The following ADAMTSL1 variants were observed in gnomAD, a reference collection of about 807,000 sequenced individuals.
ADAMTSL1 encodes ADAMTS like 1, also known as ADAMTS-like protein 1.
A neutral mutation model predicts 201.8 loss-of-function variants in ADAMTSL1; 126 were observed. That is an observed-to-expected ratio of 0.62 (90% CI 0.54 to 0.72). The LOEUF (loss-of-function observed/expected upper bound fraction) is 0.72. Among genes scored for constraint, ADAMTSL1 ranks in the 30% least tolerant of loss-of-function variants. The probability of loss-of-function intolerance (pLI) is 0.00; values close to 1 mark genes in which losing one functional copy is unlikely to be tolerated. For missense variants in ADAMTSL1, 2,679 were observed against 2,277.8 expected (o/e 1.18, Z -3.59); for synonymous variants, 1,121 against 903.4 (o/e 1.24, Z -4.32).
intron 23 of ADAMTSL1, among the ~76,000 whole-genome samples, chr9:18,846,866 G>A (rs984988979): frequency 6.6e-6 from 1 of 152,166 alleles, no homozygotes; most frequent in African/African-American, 2.4e-5. Context: ...AATGAACAGA[G>A]TCTCAAAGAC....
At chr9:18,380,943 G>A (rs924356548) in intron 2 of ADAMTSL1, among the ~76,000 whole-genome samples, 2 of 152,126 alleles carry the variant, frequency 1.3e-5, no homozygotes, top group Non-Finnish European at 2.9e-5. Context: ...CAGACATCCC[G>A]ATTGGTCTTG....
At chr9:17,936,022 T>C (rs1284748259) in intron 1 of ADAMTSL1, among the ~76,000 whole-genome samples, 3 of 152,228 alleles carry the variant, frequency 2.0e-5, no homozygotes, top group Non-Finnish European at 2.9e-5. Flanking sequence ...TCTTTGCTGT[T>C]CTTCTAACAT....
intron 24 of ADAMTSL1, 123 bp downstream of exon 24, chr9:18,888,166 GC>G: frequency 9.9e-7 from 1 of 1,007,720 alleles, no homozygotes; most frequent in Non-Finnish European, 1.4e-6. Context: ...GAAAACCAAA[GC>G]CATGCCATGT....
At chr9:18,904,633 CAAA>C (rs71333072) in intron 26 of ADAMTSL1, among the ~76,000 whole-genome samples, 6 of 15,006 alleles carry the variant, frequency 4.0e-4, no homozygotes, top group Admixed American at 1.8e-3. Context: ...GACCCTGCCT[CAAA>C]AAAAAAAAAA....
intron 20 of ADAMTSL1, among the ~76,000 whole-genome samples, chr9:18,807,872 A>C (rs556172784): frequency 1.3e-5 from 2 of 152,146 alleles, no homozygotes; most frequent in South Asian, 4.2e-4. Flanking sequence ...TTTTCTCCTT[A>C]GTTAACTTCT....
At chr9:18,158,149 G>A (rs1263315792) in intron 1 of ADAMTSL1, among the ~76,000 whole-genome samples, 1 of 151,920 alleles carries the variant, frequency 6.6e-6, no homozygotes, top group African/African-American at 2.4e-5. Context: ...GTTTGGGTGT[G>A]TTTGAGTGCA....
intron 5 of ADAMTSL1, among the ~76,000 whole-genome samples, chr9:18,626,389 G>A (rs1826361015): frequency 1.3e-5 from 2 of 152,152 alleles, no homozygotes; most frequent in Admixed American, 6.5e-5. Context: ...GGATCTAAGG[G>A]AAGTGAAAAG....
At chr9:18,651,621 C>A (rs2132920588) in intron 7 of ADAMTSL1, among the ~76,000 whole-genome samples, 1 of 152,262 alleles carries the variant, frequency 6.6e-6, no homozygotes, top group Non-Finnish European at 1.5e-5. Context: ...AAAGGTATTG[C>A]ATATCTATAG....
chr9:18,839,779 T>G (rs1825591653), intron 23 of ADAMTSL1, among the ~76,000 whole-genome samples: 3 of 152,066 alleles, frequency 2.0e-5, no homozygotes, highest in South Asian at 4.1e-4. Context: ...ATTTCTCTGA[T>G]GGCCAGTGAT....
intron 9 of ADAMTSL1, among the ~76,000 whole-genome samples, chr9:18,662,944 A>G (rs1280091232): frequency 2.0e-5 from 3 of 152,214 alleles, no homozygotes; most frequent in African/African-American, 7.2e-5. Flanking sequence ...AGGAATACCA[A>G]AAGACAAAGA....
intron 23 of ADAMTSL1, among the ~76,000 whole-genome samples, chr9:18,841,969 T>A (rs1395569312): frequency 1.3e-5 from 2 of 151,952 alleles, no homozygotes; most frequent in South Asian, 4.2e-4. Flanking sequence ...TCAATTTTGT[T>A]GATCCTTTCA....
chr9:18,898,431 C>G (rs1374946113), intron 26 of ADAMTSL1, among the ~76,000 whole-genome samples: 1 of 152,164 alleles, frequency 6.6e-6, no homozygotes, highest in African/African-American at 2.4e-5. Context: ...AACTTGATGA[C>G]TATCTTTCTG....
At chr9:18,079,621 G>T (rs1392202521) in intron 1 of ADAMTSL1, among the ~76,000 whole-genome samples, 1 of 151,806 alleles carries the variant, frequency 6.6e-6, no homozygotes, top group East Asian at 1.9e-4. Flanking sequence ...GCTGGAGCTT[G>T]CAGTGAGCCG....
chr9:18,167,014 T>C (rs1377468095), intron 2 of ADAMTSL1, among the ~76,000 whole-genome samples: 1 of 151,946 alleles, frequency 6.6e-6, no homozygotes, highest in African/African-American at 2.4e-5. Context: ...GAGAAGCTAT[T>C]TAAGTGAGCC....
At chr9:18,210,454 A>G (rs558313799) in intron 2 of ADAMTSL1, among the ~76,000 whole-genome samples, 1 of 147,030 alleles carries the variant, frequency 6.8e-6, no homozygotes, top group East Asian at 1.9e-4. Flanking sequence ...TATATTAATA[A>G]ATATATATTA....
chr9:18,176,007 C>CGAA (rs1491214278), intron 2 of ADAMTSL1, among the ~76,000 whole-genome samples: 1 of 62,578 alleles, frequency 1.6e-5, no homozygotes, highest in Non-Finnish European at 2.9e-5. Context: ...AGAGGGAAAG[C>CGAA]AAAAAAAAAA....
Position 18,504,940 on chromosome 9 carries a change from C to A in ADAMTSL1, c.175C>A (p.Arg59Ser), listed in dbSNP as rs769527362. 6.2e-7 allele frequency: 1 copy of A among 1,609,466 alleles called. No homozygotes were observed. The highest frequency in any genetic ancestry group is 1.1e-5 in the South Asian group (1 of 90,778). Residue 59 changes from arginine (R) to serine (S), a missense_variant, in exon 2 of 29, where the codon CGC becomes AGC. Transcript: ENST00000380548. ...CGGGASYSLR[R>S]CLSSKSCEGR... is the part of the protein sequence containing the mutation. ...GGGTGGGGCCTCCTACTCTCTGAGGCGCTGCCTGAGCAGCAAGTAAGTCCT... is the reference window on the plus strand; with the variant it reads ...GGGTGGGGCCTCCTACTCTCTGAGGAGCTGCCTGAGCAGCAAGTAAGTCCT...
chr9:18,764,636 G>A (rs1268997352), intron 16 of ADAMTSL1, among the ~76,000 whole-genome samples: 2 of 152,226 alleles, frequency 1.3e-5, no homozygotes, highest in Non-Finnish European at 2.9e-5. Flanking sequence ...CAGAGAAGGT[G>A]TCTGTGTGCC....
intron 1 of ADAMTSL1, among the ~76,000 whole-genome samples, chr9:17,933,104 CA>C (rs927434840): frequency 7.9e-5 from 12 of 152,108 alleles, no homozygotes; most frequent in African/African-American, 2.7e-4. Context: ...TGGCTTAAAA[CA>C]AGAAAAAATT....
Sources: allele counts gnomAD v4.1 joint callset (sites outside exome capture counted in the v4.1 genomes callset), GRCh38; gene constraint gnomAD v4.1.1; transcripts MANE v1.5; gene names NCBI Gene and HGNC (gene_info 2026-07-23, HGNC 2026-07-21).